CDH22: variants seen among roughly 807,000 people sequenced by gnomAD.
CDH22 encodes the protein cadherin 22, also known as cadherin-22.
CDH22 carries 30 observed loss-of-function variants against 58.4 expected under a neutral mutation model. The observed-to-expected ratio is 0.51, with a 90% CI of 0.38 to 0.70. The LOEUF is 0.70. CDH22 is among the 30% of genes least tolerant of loss of function. The pLI is 0.00. For missense variants in CDH22, 1,014 were observed against 1,233.9 expected (o/e 0.82, Z 2.67); for synonymous variants, 513 against 558.2 (o/e 0.92, Z 1.14).
chr20:46,305,026 C>G (rs1365258942), intron 1 of CDH22, among the ~76,000 whole-genome samples: 1 of 152,242 alleles, frequency 6.6e-6, no homozygotes, highest in East Asian at 1.9e-4. Context: ...CAGTCAACAA[C>G]CTGCCCAACT....
chr20:46,179,744 A>G (rs1274798635), intron 10 of CDH22, among the ~76,000 whole-genome samples: 1 of 152,252 alleles, frequency 6.6e-6, no homozygotes, highest in African/African-American at 2.4e-5. Flanking sequence ...AGGTGTGAGG[A>G]TTAAATGGTG....
At chr20:46,229,774 C>T (rs2086206214) in intron 3 of CDH22, among the ~76,000 whole-genome samples, 2 of 152,106 alleles carry the variant, frequency 1.3e-5, no homozygotes, top group South Asian at 2.1e-4. Context: ...AAGCATCAGG[C>T]TTATGGTGGG....
At chr20:46,229,114 G>A (rs2145713545) in intron 3 of CDH22, among the ~76,000 whole-genome samples, 1 of 152,286 alleles carries the variant, frequency 6.6e-6, no homozygotes, top group South Asian at 2.1e-4. Context: ...GGATGGGCAA[G>A]CCCCTTCCCT....
intron 1 of CDH22, among the ~76,000 whole-genome samples, chr20:46,263,692 T>A (rs966088879): frequency 6.6e-6 from 1 of 152,008 alleles, no homozygotes. Context: ...CAGAGCCATA[T>A]TTAGGGGACC....
chr20:46,275,669 G>A (rs1393653389), intron 1 of CDH22, among the ~76,000 whole-genome samples: 1 of 152,084 alleles, frequency 6.6e-6, no homozygotes, highest in Non-Finnish European at 1.5e-5. Context: ...GAATTAATAA[G>A]TGATTCAACA....
rs566265470 is a variant in CDH22, at chr20:46,291,449, A to G, written c.-400+16806T>C. ...TACTACCATAATCCCCGTTTTACAG[A>G]TTGGAAATGGAGGCAAAGGGGTCAG... On this transcript the variant is annotated intron_variant, in intron 1 of 11. Coordinates refer to ENST00000537909, the MANE Select transcript of CDH22 (RefSeq NM_021248.3). Among the ~76,000 whole-genome samples the G allele has an allele frequency of 9.2e-5, 14 of 152,266 alleles. No homozygotes were observed. The South Asian group carries it at 2.7e-3, about 29-fold the overall frequency.
intron 1 of CDH22, among the ~76,000 whole-genome samples, chr20:46,265,806 T>C (rs2086456545): frequency 6.6e-6 from 1 of 152,140 alleles, no homozygotes. Flanking sequence ...TTTCCCCTTT[T>C]CTCCCACTTT....
intron 7 of CDH22, among the ~76,000 whole-genome samples, chr20:46,199,880 T>C (rs900048449): frequency 2.6e-5 from 4 of 152,224 alleles, no homozygotes; most frequent in African/African-American, 9.6e-5. Flanking sequence ...GACTCACTGA[T>C]ACTCTCTTCT....
intron 8 of CDH22, among the ~76,000 whole-genome samples, chr20:46,194,729 T>G (rs1278381636): frequency 1.3e-5 from 2 of 152,212 alleles, no homozygotes; most frequent in Admixed American, 1.3e-4. Context: ...GAAGCTGCTA[T>G]TATTATTAAT....
Position 46,227,624 on chromosome 20 carries a change from G to T in CDH22, c.554C>A (p.Thr185Lys). 1.9e-6 allele frequency: 3 copies of T among 1,611,366 alleles called. No individual in the cohort carries two copies. The highest frequency in any genetic ancestry group is 2.5e-6 in the Non-Finnish European group (3 of 1,179,110). ...CGAGGCCATCACCTGCATCACCGAC[G>T]TGCCTGGGCCCGGGGGACCAAGCGA... is the stretch of plus-strand genomic sequence containing the variant. The part of the protein sequence containing the change: ...GSVAELSPTG[T>K]SVMQVMASDA... The change falls in exon 4 of 12, where the codon ACG becomes AAG. Residue 185 changes from threonine (T) to lysine (K), a missense_variant. Thr to Lys is a moderately conservative substitution (Grantham distance 78, BLOSUM62 -1). Coordinates refer to ENST00000537909, the MANE Select transcript of CDH22 (RefSeq NM_021248.3).
chr20:46,267,489 A>C (rs531610887), intron 1 of CDH22, among the ~76,000 whole-genome samples: 1 of 152,356 alleles, frequency 6.6e-6, no homozygotes, highest in East Asian at 1.9e-4. Context: ...AAAAGTGTCA[A>C]GAAGAGAGGT....
intron 1 of CDH22, among the ~76,000 whole-genome samples, chr20:46,288,570 C>A (rs1432247883): frequency 6.6e-6 from 1 of 152,182 alleles, no homozygotes; most frequent in Non-Finnish European, 1.5e-5. Flanking sequence ...CTTCAAAACC[C>A]TCATGTCTGA....
Position 46,226,270 on chromosome 20 carries a change from TCTTCTTCTTCTTCTTC to T in CDH22, c.670+1222_670+1237del, listed in dbSNP as rs1568665306. ...TTCTTCTTCTTCTTCTTCTTCTTCT[TCTTCTTCTTCTTCTTC>T]TTCTTCTTTTTTTTTTTGAGACAGG... On this transcript the variant is annotated intron_variant, in intron 4 of 11. Coordinates refer to ENST00000537909, the MANE Select transcript of CDH22 (RefSeq NM_021248.3). Among the ~76,000 whole-genome samples the T allele has an allele frequency of 1.1e-3, 11 of 10,060 alleles. 2 individuals carry two copies. Among genetic ancestry groups the T allele is most frequent in the East Asian group, 5.4e-3 (4 of 746 alleles). 6.6% of individuals were successfully genotyped at this position (10,060 alleles called of 152,430 possible).
chr20:46,175,133 A>C (rs1170890023), intron 11 of CDH22, 56 bp from the exon 12 acceptor site: 1 of 1,535,718 alleles, frequency 6.5e-7, no homozygotes, highest in Non-Finnish European at 8.8e-7. Flanking sequence ...GGGCATTAGA[A>C]GGACCCTCTA....
intron 2 of CDH22, among the ~76,000 whole-genome samples, chr20:46,244,892 T>C (rs887814488): frequency 6.6e-6 from 1 of 152,070 alleles, no homozygotes; most frequent in Admixed American, 6.5e-5. Flanking sequence ...AAACTACAAA[T>C]CAGGAAAGAT....
chr20:46,184,149 A>G (rs1977114), intron 10 of CDH22, among the ~76,000 whole-genome samples: 16,223 of 148,322 alleles, frequency 0.11, 918 homozygotes, highest in Middle Eastern at 0.14. Flanking sequence ...CCCGGGCTGG[A>G]GGGCAATGGT....
intron 1 of CDH22, among the ~76,000 whole-genome samples, chr20:46,288,549 T>C (rs2086586160): frequency 6.6e-6 from 1 of 152,140 alleles, no homozygotes; most frequent in Non-Finnish European, 1.5e-5. Flanking sequence ...AGTGCAGATA[T>C]CTAAAACGCC....
chr20:46,247,367 G>C (rs1033517705), intron 2 of CDH22, among the ~76,000 whole-genome samples: 1 of 152,092 alleles, frequency 6.6e-6, no homozygotes, highest in South Asian at 2.1e-4. Flanking sequence ...TTGGCCCTCT[G>C]TATCCGTGGG....
At chr20:46,183,635 T>C (rs1160825368) in intron 10 of CDH22, among the ~76,000 whole-genome samples, 1 of 152,168 alleles carries the variant, frequency 6.6e-6, no homozygotes, top group Admixed American at 6.5e-5. Context: ...TTTCACTGTG[T>C]TGTCCAGGCT....
Sources: allele counts gnomAD v4.1 joint callset (sites outside exome capture counted in the v4.1 genomes callset), GRCh38; gene constraint gnomAD v4.1.1; transcripts MANE v1.5; gene names NCBI Gene and HGNC (gene_info 2026-07-23, HGNC 2026-07-21).